ANK3: variants seen among roughly 807,000 people sequenced by gnomAD.
ANK3 encodes ankyrin 3.
ANK3 carries 57 observed loss-of-function variants against 370.9 expected under a neutral mutation model. The ratio of observed to expected loss-of-function variants is 0.15; its 90% CI spans 0.12 to 0.19. ANK3 has a LOEUF of 0.19. ANK3 is among the 10% of genes least tolerant of loss of function. The pLI is 1.00. For synonymous variants in ANK3, 1,929 were observed against 1,946.3 expected (o/e 0.99, Z 0.23); for missense variants, 4,439 against 5,302.1 (o/e 0.84, Z 5.06).
intron 2 of ANK3, among the ~76,000 whole-genome samples, chr10:60,435,705 C>T (rs944358954): frequency 6.6e-6 from 1 of 152,232 alleles, no homozygotes; most frequent in African/African-American, 2.4e-5. Context: ...CACTAATCTA[C>T]TTTCTGTCTT....
intron 1 of ANK3, chr10:60,685,008 C>A: frequency 3.2e-6 from 5 of 1,547,018 alleles, no homozygotes; most frequent in South Asian, 1.1e-5. Flanking sequence ...AGCCTACCTG[C>A]GCAATCATAG....
intron 1 of ANK3, among the ~76,000 whole-genome samples, chr10:60,342,247 TA>T (rs958227982): frequency 6.6e-5 from 10 of 152,136 alleles, no homozygotes; most frequent in Admixed American, 2.6e-4. Flanking sequence ...CTTTCCAAAA[TA>T]AAAAAAGTTT....
At chr10:60,324,571 C>G (rs1009210053) in intron 1 of ANK3, among the ~76,000 whole-genome samples, 1 of 152,162 alleles carries the variant, frequency 6.6e-6, no homozygotes, top group African/African-American at 2.4e-5. Context: ...TCCATGCAAT[C>G]CCTCTAGAAC....
At chr10:60,396,705 C>T (rs935236876) in intron 2 of ANK3, among the ~76,000 whole-genome samples, 1 of 152,036 alleles carries the variant, frequency 6.6e-6, no homozygotes, top group African/African-American at 2.4e-5. Flanking sequence ...AATTTAATGT[C>T]TATATAGTAA....
At chr10:60,230,992 A>G (rs1817945281) in intron 8 of ANK3, among the ~76,000 whole-genome samples, 2 of 152,156 alleles carry the variant, frequency 1.3e-5, no homozygotes, top group Admixed American at 1.3e-4. Context: ...AAATTTTACA[A>G]TAACTAATTA....
chr10:60,472,797 A>G (rs1023210946), intron 2 of ANK3, among the ~76,000 whole-genome samples: 13 of 152,304 alleles, frequency 8.5e-5, no homozygotes, highest in Middle Eastern at 3.4e-3. Flanking sequence ...AATTGACTGA[A>G]TATCAGGTGA....
At chr10:60,268,976 A>G (rs1206365482) in intron 5 of ANK3, among the ~76,000 whole-genome samples, 3 of 152,216 alleles carry the variant, frequency 2.0e-5, no homozygotes, top group Non-Finnish European at 4.4e-5. Context: ...TTTCCCTAGA[A>G]GGTATAATCT....
chr10:60,637,074 G>A (rs981670034), intron 1 of ANK3, among the ~76,000 whole-genome samples: 7 of 152,134 alleles, frequency 4.6e-5, no homozygotes, highest in African/African-American at 1.7e-4. Flanking sequence ...CCTATGCCAT[G>A]TTGTTTCACA....
At chr10:60,325,093 C>G (rs2049510221) in intron 1 of ANK3, among the ~76,000 whole-genome samples, 1 of 152,184 alleles carries the variant, frequency 6.6e-6, no homozygotes. Flanking sequence ...GCTAATCAGA[C>G]ATTTCTTCTC....
intron 2 of ANK3, among the ~76,000 whole-genome samples, chr10:60,395,473 A>T (rs1423356070): frequency 1.3e-5 from 2 of 152,228 alleles, no homozygotes; most frequent in African/African-American, 4.8e-5. Context: ...AGAGAGCCCG[A>T]TCTGTCAGAA....
intron 1 of ANK3, among the ~76,000 whole-genome samples, chr10:60,362,268 C>T (rs528902355): frequency 5.9e-5 from 9 of 152,242 alleles, no homozygotes; most frequent in African/African-American, 2.2e-4. Context: ...TATATCTTTG[C>T]ACACTTGTTT....
At chr10:60,202,124 T>C (rs1261151182) in intron 12 of ANK3, among the ~76,000 whole-genome samples, 2 of 152,140 alleles carry the variant, frequency 1.3e-5, no homozygotes, top group Admixed American at 6.5e-5. Flanking sequence ...TTATTTTTTA[T>C]TTATTATTTT....
At chr10:60,107,771 GCACA>G (rs371932498) in intron 27 of ANK3, among the ~76,000 whole-genome samples, 1 of 151,180 alleles carries the variant, frequency 6.6e-6, no homozygotes, top group African/African-American at 2.4e-5. Context: ...ATGCGCACGC[GCACA>G]CACACACACA....
intron 1 of ANK3, among the ~76,000 whole-genome samples, chr10:60,710,231 A>T (rs1265991146): frequency 6.6e-6 from 1 of 152,198 alleles, no homozygotes; most frequent in Non-Finnish European, 1.5e-5. Context: ...ATCACAGGGC[A>T]CTTTAAACAG....
At chr10:60,194,792 G>A (rs1033530791) in intron 16 of ANK3, among the ~76,000 whole-genome samples, 2 of 152,154 alleles carry the variant, frequency 1.3e-5, no homozygotes, top group African/African-American at 4.8e-5. Context: ...CTGTGGAGGG[G>A]AAAGCTACAT....
chr10:60,249,321 A>T (rs1343426900), intron 7 of ANK3, among the ~76,000 whole-genome samples: 2 of 152,242 alleles, frequency 1.3e-5, no homozygotes, highest in Non-Finnish European at 2.9e-5. Flanking sequence ...TGAATTTTAT[A>T]ACTTCAATTA....
chr10:60,649,854 T>C (rs2078763431), intron 1 of ANK3, among the ~76,000 whole-genome samples: 1 of 152,216 alleles, frequency 6.6e-6, no homozygotes, highest in African/African-American at 2.4e-5. Flanking sequence ...GCCTGTTCCC[T>C]TTGAAGTTAG....
intron 2 of ANK3, among the ~76,000 whole-genome samples, chr10:60,502,818 AAAG>A (rs1031865518): frequency 1.0e-4 from 7 of 68,442 alleles, no homozygotes; most frequent in African/African-American, 3.2e-4. Context: ...AAAGAGAAGA[AAAG>A]AAAAGAAAGA....
At chr10:60,184,974 A>T (rs779064365) in intron 17 of ANK3, among the ~76,000 whole-genome samples, 10 of 152,240 alleles carry the variant, frequency 6.6e-5, no homozygotes, top group Non-Finnish European at 1.0e-4. Flanking sequence ...TCATAAAGAC[A>T]AATTGAGTTT....
Sources: gnomAD v4.1 joint callset for allele counts (sites outside exome capture counted in the v4.1 genomes callset) on GRCh38, gnomAD v4.1.1 for gene constraint, MANE v1.5 for transcripts, NCBI Gene and HGNC (gene_info 2026-07-23, HGNC 2026-07-21) for gene names.